Variants in XYLT1 observed in about 807,000 individuals in gnomAD.
XYLT1 encodes beta-D-xylosyltransferase 1.
A neutral mutation model predicts 91.3 loss-of-function variants in XYLT1; 36 were observed. The ratio of observed to expected loss-of-function variants is 0.39; its 90% CI spans 0.30 to 0.52. The LOEUF is 0.52. XYLT1 is among the 20% of genes least tolerant of loss of function. The pLI is 0.68. For missense variants in XYLT1, 1,242 were observed against 1,284.5 expected (o/e 0.97, Z 0.51); for synonymous variants, 588 against 532.0 (o/e 1.11, Z -1.45).
chr16:17,287,334 C>T (rs967060715), intron 2 of XYLT1, among the ~76,000 whole-genome samples: 13 of 152,234 alleles, frequency 8.5e-5, no homozygotes, highest in Non-Finnish European at 1.5e-4. Flanking sequence ...AGCAGGCAAA[C>T]GCTCAGAACG....
At chr16:17,258,947 G>A (rs1301616727) in intron 3 of XYLT1, 41 bp downstream of exon 3, 1 of 1,477,964 alleles carries the variant, frequency 6.8e-7, no homozygotes, top group Non-Finnish European at 9.0e-7. Context: ...GGAGGAAGTG[G>A]CCAGGAGATC....
At chr16:17,268,667 C>CTTT (rs56389780) in intron 2 of XYLT1, among the ~76,000 whole-genome samples, 2 of 138,066 alleles carry the variant, frequency 1.4e-5, no homozygotes, top group Non-Finnish European at 1.6e-5. Flanking sequence ...GTGATAAATA[C>CTTT]TTTTTTTTTT....
chr16:17,449,255 C>A (rs2036633267), intron 1 of XYLT1, among the ~76,000 whole-genome samples: 2 of 152,246 alleles, frequency 1.3e-5, no homozygotes, highest in African/African-American at 4.8e-5. Context: ...ATCTGCAGCC[C>A]CATCCTGGGG....
At chr16:17,464,489 CAAAAAAA>C (rs34575069) in intron 1 of XYLT1, among the ~76,000 whole-genome samples, 2 of 120,070 alleles carry the variant, frequency 1.7e-5, no homozygotes, top group Admixed American at 8.4e-5. Context: ...AAAACTGTCT[CAAAAAAA>C]AAAAAAAAAA....
At chr16:17,253,823 T>TGAGAGAGA (rs3060128) in intron 3 of XYLT1, among the ~76,000 whole-genome samples, 209 of 114,872 alleles carry the variant, frequency 1.8e-3, no homozygotes, top group South Asian at 8.1e-3. Flanking sequence ...CCTTGCAACT[T>TGAGAGAGA]GAGAGAGAGA....
At chr16:17,249,691 TAA>T (rs2033506117) in intron 3 of XYLT1, 1 of 152,806 alleles carries the variant, frequency 6.5e-6, no homozygotes, top group Admixed American at 6.6e-5. Context: ...TGTTTTGAGA[TAA>T]AGTCTTGCTG....
chr16:17,135,771 T>C (rs1200411283), intron 8 of XYLT1, among the ~76,000 whole-genome samples: 2 of 152,194 alleles, frequency 1.3e-5, no homozygotes, highest in Admixed American at 6.5e-5. Context: ...TGTTATACTT[T>C]ATATTCAGTA....
intron 10 of XYLT1, among the ~76,000 whole-genome samples, chr16:17,123,799 G>A (rs1295184985): frequency 1.3e-5 from 2 of 152,196 alleles, no homozygotes; most frequent in Non-Finnish European, 2.9e-5. Context: ...AGGTCTAGTA[G>A]TATTGTTTTG....
At chr16:17,180,178 AG>A (rs2032035401) in intron 5 of XYLT1, among the ~76,000 whole-genome samples, 4 of 152,238 alleles carry the variant, frequency 2.6e-5, no homozygotes, top group Admixed American at 6.5e-5. Flanking sequence ...TTCATGACAA[AG>A]CAGTGCCCCC....
chr16:17,331,740 A>C (rs1394182919), intron 2 of XYLT1, among the ~76,000 whole-genome samples: 1 of 152,134 alleles, frequency 6.6e-6, no homozygotes, highest in Non-Finnish European at 1.5e-5. Flanking sequence ...CACAGCCAGG[A>C]CTCAAACCAA....
intron 7 of XYLT1, among the ~76,000 whole-genome samples, chr16:17,140,642 CAG>C (rs2030941262): frequency 8.7e-6 from 1 of 114,630 alleles, no homozygotes; most frequent in African/African-American, 3.6e-5. Flanking sequence ...GCCTGGATGA[CAG>C]AGGAAGACTG....
At chr16:17,236,829 G>A (rs1170774619) in intron 3 of XYLT1, among the ~76,000 whole-genome samples, 5 of 151,940 alleles carry the variant, frequency 3.3e-5, no homozygotes, top group African/African-American at 2.4e-5. Context: ...CTTTTTATAC[G>A]GACACAGTCA....
intron 1 of XYLT1, among the ~76,000 whole-genome samples, chr16:17,373,736 C>T (rs1278383498): frequency 1.3e-5 from 2 of 152,178 alleles, no homozygotes; most frequent in African/African-American, 4.8e-5. Context: ...AGAGGTTATG[C>T]CATGTGCCCA....
At position 17,258,994 on chromosome 16, in the gene XYLT1, G is replaced by A. The variant is rs778430460; in HGVS notation, c.907C>T (p.Leu303Phe). Residue 303 changes from leucine (L) to phenylalanine (F), a missense_variant, in exon 3 of 12, where the codon CTC (leucine) becomes TTC (phenylalanine). Around this residue, in one of 3 missense-constraint regions of XYLT1, gnomAD observed 437 missense variants for 411.5 expected, o/e 1.06. Coordinates refer to ENST00000261381, the MANE Select transcript of XYLT1 (RefSeq NM_022166.4). ...MPEKVTRFCP[L>F]EGKANKNVQW... ...CAGCGGGGTTGGAACTTACCCTCGA[G>A]GGGGCAGAACCGAGTCACCTTCTCA... 5.3e-6 allele frequency: 8 copies of A among 1,496,526 alleles called. No homozygotes were observed. In the African/African-American group the frequency reaches 8.4e-5, roughly 16 times the overall value. 92.7% of individuals were successfully genotyped at this position (1,496,526 alleles called of 1,614,324 possible). A position where few individuals can be genotyped will look rare whatever the true frequency, so the allele number is the denominator to read the frequency against.
chr16:17,415,655 G>C (rs529624101), intron 1 of XYLT1, among the ~76,000 whole-genome samples: 2 of 152,158 alleles, frequency 1.3e-5, no homozygotes, highest in African/African-American at 2.4e-5. Flanking sequence ...TAGCACCATT[G>C]CACTCCAGCT....
At chr16:17,324,422 G>C (rs1317895666) in intron 2 of XYLT1, among the ~76,000 whole-genome samples, 1 of 152,162 alleles carries the variant, frequency 6.6e-6, no homozygotes, top group East Asian at 1.9e-4. Flanking sequence ...CCACAGCAGT[G>C]CTTCTCAAAC....
chr16:17,337,422 C>G (rs951318528), intron 2 of XYLT1, among the ~76,000 whole-genome samples: 2 of 152,128 alleles, frequency 1.3e-5, no homozygotes, highest in Non-Finnish European at 2.9e-5. Flanking sequence ...AGGGCTCAAG[C>G]GATTGGCCAG....
intron 2 of XYLT1, among the ~76,000 whole-genome samples, chr16:17,322,653 A>G (rs2034742010): frequency 6.6e-6 from 1 of 151,658 alleles, no homozygotes; most frequent in Non-Finnish European, 1.5e-5. Context: ...ACTCTTTTTT[A>G]CTCATTGGAT....
chr16:17,454,776 G>A (rs992109723), intron 1 of XYLT1, among the ~76,000 whole-genome samples: 1 of 151,958 alleles, frequency 6.6e-6, no homozygotes, highest in Non-Finnish European at 1.5e-5. Flanking sequence ...CTGGCCCCAA[G>A]TGACCCACCC....
Sources: allele counts gnomAD v4.1 joint callset (sites outside exome capture counted in the v4.1 genomes callset), GRCh38; gene constraint gnomAD v4.1.1; regional missense constraint gnomAD v4.1.1; transcripts MANE v1.5; gene names NCBI Gene and HGNC (gene_info 2026-07-23, HGNC 2026-07-21).